Variants in BMPR1B observed in about 807,000 individuals in gnomAD.
The protein encoded by BMPR1B is bone morphogenetic protein receptor type-1B.
A neutral mutation model predicts 59.1 loss-of-function variants in BMPR1B; 12 were observed. That is an observed-to-expected ratio of 0.20 (90% CI 0.13 to 0.33). The LOEUF (loss-of-function observed/expected upper bound fraction) is 0.33, where lower values mean the gene tolerates loss of function less well. BMPR1B is among the 10% of genes least tolerant of loss of function. The pLI, the probability that BMPR1B is intolerant of heterozygous loss-of-function variation, is 1.00. For synonymous variants in BMPR1B, 237 were observed against 207.3 expected (o/e 1.14, Z -1.23); for missense variants, 550 against 610.9 (o/e 0.90, Z 1.05).
At chr4:94,905,337 G>C (rs1165196989) in intron 2 of BMPR1B, among the ~76,000 whole-genome samples, 1 of 151,928 alleles carries the variant, frequency 6.6e-6, no homozygotes, top group Admixed American at 6.6e-5. Context: ...ATTGCCATTT[G>C]GTATTGCTTC....
intron 2 of BMPR1B, among the ~76,000 whole-genome samples, chr4:94,889,822 G>A (rs1727319239): frequency 6.6e-6 from 1 of 152,018 alleles, no homozygotes; most frequent in Non-Finnish European, 1.5e-5. Context: ...TAGGTCAAAG[G>A]AACAAGCTAG....
chr4:94,783,506 C>T (rs1171483077), intron 1 of BMPR1B, among the ~76,000 whole-genome samples: 1 of 152,130 alleles, frequency 6.6e-6, no homozygotes, highest in Non-Finnish European at 1.5e-5. Flanking sequence ...TTTTGAAGCT[C>T]TCTGTTCTTA....
At position 95,020,467 on chromosome 4, in the gene BMPR1B, T is replaced by C. The variant is rs147655050; in HGVS notation, c.-18+24333T>C. Among the ~76,000 whole-genome samples the C allele has an allele frequency of 4.4e-3, 660 of 151,636 alleles. 5 individuals are homozygous for C. Among genetic ancestry groups the C allele is most frequent in the African/African-American group, 0.014 (593 of 41,342 alleles). ...GGTGGTACATGCCTGTAGTCCCAAG[T>C]ACTCAGGAGGCTGAGGCAGGAGAAT... On this transcript the variant is annotated intron_variant, in intron 3 of 12. Transcript: ENST00000515059.
At chr4:95,061,739 T>G (rs1727413667) in intron 3 of BMPR1B, among the ~76,000 whole-genome samples, 1 of 152,152 alleles carries the variant, frequency 6.6e-6, no homozygotes, top group South Asian at 2.1e-4. Flanking sequence ...GATTTGGCCT[T>G]AGGATTGTTG....
chr4:94,962,545 T>A (rs1404457073), intron 2 of BMPR1B, among the ~76,000 whole-genome samples: 2 of 152,176 alleles, frequency 1.3e-5, no homozygotes, highest in Non-Finnish European at 2.9e-5. Context: ...GATCAGTTTT[T>A]TTTTAGCTCC....
chr4:95,102,273 T>C, intron 3 of BMPR1B, among the ~76,000 whole-genome samples: 1 of 152,216 alleles, frequency 6.6e-6, no homozygotes, highest in East Asian at 1.9e-4. Flanking sequence ...ATGAGGATAT[T>C]TTCTTTTCTA....
chr4:94,823,118 CTT>C (rs201641049), intron 1 of BMPR1B, among the ~76,000 whole-genome samples: 3,575 of 152,278 alleles, frequency 0.023, 73 homozygotes, highest in Admixed American at 0.033. Context: ...ACCAGAAACT[CTT>C]TTAATTGCTT....
chr4:94,999,427 CGTGTGTGTGT>C (rs70946577), intron 3 of BMPR1B, among the ~76,000 whole-genome samples: 233 of 148,506 alleles, frequency 1.6e-3, no homozygotes, highest in African/African-American at 5.4e-3. Context: ...CAGTGTTGTG[CGTGTGTGTGT>C]GTGTGTGTGT....
chr4:94,921,565 T>C (rs1215005267), intron 2 of BMPR1B, among the ~76,000 whole-genome samples: 1 of 151,940 alleles, frequency 6.6e-6, no homozygotes, highest in African/African-American at 2.4e-5. Flanking sequence ...CTCCACACTT[T>C]TAAACAACCG....
At chr4:94,766,344 T>A (rs1462244112) in intron 1 of BMPR1B, among the ~76,000 whole-genome samples, 1 of 151,918 alleles carries the variant, frequency 6.6e-6, no homozygotes, top group Non-Finnish European at 1.5e-5. Context: ...GGGATCATTC[T>A]TACTGCCAGG....
chr4:94,882,817 G>A (rs1161038649), intron 2 of BMPR1B, among the ~76,000 whole-genome samples: 2 of 152,184 alleles, frequency 1.3e-5, no homozygotes, highest in Admixed American at 6.5e-5. Flanking sequence ...GGTTTCAAAT[G>A]TGGGAATTCA....
intron 2 of BMPR1B, among the ~76,000 whole-genome samples, chr4:94,898,670 G>C (rs1456340912): frequency 6.6e-6 from 1 of 151,688 alleles, no homozygotes; most frequent in Non-Finnish European, 1.5e-5. Flanking sequence ...CCCAGTCTCA[G>C]ATATTTCTTC....
At chr4:95,024,945 A>T (rs894365471) in intron 3 of BMPR1B, among the ~76,000 whole-genome samples, 1 of 151,984 alleles carries the variant, frequency 6.6e-6, no homozygotes, top group Non-Finnish European at 1.5e-5. Context: ...TACTAAAAAT[A>T]CAAAAGCTAG....
intron 6 of BMPR1B, among the ~76,000 whole-genome samples, chr4:95,118,576 C>T (rs747353699): frequency 5.9e-5 from 9 of 152,160 alleles, no homozygotes; most frequent in Admixed American, 1.3e-4. Flanking sequence ...AACCAGACTT[C>T]GCCCGGGAGT....
At chr4:95,042,953 A>C (rs1015658737) in intron 3 of BMPR1B, among the ~76,000 whole-genome samples, 6 of 151,686 alleles carry the variant, frequency 4.0e-5, no homozygotes, top group African/African-American at 1.5e-4. Flanking sequence ...AGGCGGGTGG[A>C]TCATGAGGTC....
chr4:94,972,380 G>A (rs182482375), intron 2 of BMPR1B, among the ~76,000 whole-genome samples: 14 of 151,944 alleles, frequency 9.2e-5, no homozygotes, highest in African/African-American at 3.4e-4. Flanking sequence ...GACACTATAA[G>A]GGAAAAATGA....
chr4:95,149,059 A>G (rs749502044), intron 11 of BMPR1B, 136 bp downstream of exon 11: 16 of 1,144,902 alleles, frequency 1.4e-5, no homozygotes, highest in Non-Finnish European at 1.8e-5. Context: ...TGATGCAGTC[A>G]TAGTGCTTCC....
intron 3 of BMPR1B, among the ~76,000 whole-genome samples, chr4:95,068,471 G>A (rs1728022440): frequency 6.6e-6 from 1 of 152,048 alleles, no homozygotes; most frequent in African/African-American, 2.4e-5. Flanking sequence ...TTGTGAAGGT[G>A]GAACTGAACA....
intron 2 of BMPR1B, among the ~76,000 whole-genome samples, chr4:94,913,519 T>C (rs79446223): frequency 1.2e-3 from 177 of 152,312 alleles, no homozygotes; most frequent in African/African-American, 3.8e-3. Flanking sequence ...ATCTAAACTT[T>C]GCTTTGCTTT....
Sources: gnomAD v4.1 joint callset for allele counts (sites outside exome capture counted in the v4.1 genomes callset) on GRCh38, gnomAD v4.1.1 for gene constraint, MANE v1.5 for transcripts, NCBI Gene and HGNC (gene_info 2026-07-23, HGNC 2026-07-21) for gene names.